Variants in RAP1B observed in about 807,000 individuals in gnomAD.
RAP1B encodes ras-related protein Rap-1b.
In RAP1B, 1 loss-of-function variant was observed where a neutral mutation model predicts 27.5. The observed-to-expected ratio is 0.04, with a 90% CI of 0.01 to 0.17. The LOEUF (loss-of-function observed/expected upper bound fraction) is 0.17. Among genes scored for constraint, RAP1B ranks in the 10% least tolerant of loss-of-function variants. The probability of loss-of-function intolerance (pLI) is 1.00; values close to 1 mark genes in which losing one functional copy is unlikely to be tolerated. For missense variants in RAP1B, 84 were observed against 214.8 expected (o/e 0.39, Z 3.81); for synonymous variants, 75 against 73.1 (o/e 1.03, Z -0.13).
chr12:68,613,071 C>G (rs1056684586), intron 1 of RAP1B, among the ~76,000 whole-genome samples: 3 of 152,166 alleles, frequency 2.0e-5, no homozygotes, highest in African/African-American at 7.2e-5. Flanking sequence ...AATGATTGCT[C>G]TGGCTGGGCG....
intron 6 of RAP1B, 144 bp downstream of exon 6, chr12:68,656,593 G>A (rs1874224224): frequency 1.4e-6 from 1 of 734,152 alleles, no homozygotes; most frequent in Non-Finnish European, 2.3e-6. Context: ...CATGTTAAAT[G>A]TATCTATGTA....
At chr12:68,628,400 C>T (rs972127317) in intron 1 of RAP1B, among the ~76,000 whole-genome samples, 1 of 152,192 alleles carries the variant, frequency 6.6e-6, no homozygotes, top group Admixed American at 6.5e-5. Context: ...GCTATGTTAG[C>T]TTCCAACTTC....
intron 1 of RAP1B, among the ~76,000 whole-genome samples, chr12:68,615,584 C>CA (rs570915847): frequency 0.012 from 1,561 of 132,354 alleles, 9 homozygotes; most frequent in African/African-American, 0.016. Context: ...GTGAGACTGT[C>CA]AAAAAAAAAA....
At position 68,669,804 on chromosome 12, in the gene RAP1B, AAAAG is replaced by A. The variant is rs1875005171; in HGVS notation, c.*10559_*10562del. 6.6e-6 allele frequency: 1 copy of A among 152,352 alleles called. No homozygotes were observed. The highest frequency in any genetic ancestry group is 2.4e-5 in the African/African-American group (1 of 41,456). The allele number at this position is 152,352 out of a possible 1,614,324, so 9.4% of individuals were successfully genotyped here. On this transcript the variant is annotated 3_prime_UTR_variant, in exon 8 of 8. Transcript: ENST00000250559. The stretch of plus-strand genomic sequence containing the variant: ...GACAGAGCAAATCTCTATCTCAAGA[AAAAG>A]AAAAAAGAAAAGAAATTAAGCAAAA...
intron 1 of RAP1B, among the ~76,000 whole-genome samples, chr12:68,632,104 A>C (rs1254402510): frequency 6.7e-6 from 1 of 149,790 alleles, no homozygotes; most frequent in African/African-American, 2.5e-5. Context: ...AACATGAAGG[A>C]AACAGTTTTT....
intron 5 of RAP1B, among the ~76,000 whole-genome samples, 153 bp downstream of exon 5, chr12:68,654,405 A>G (rs1874052034): frequency 6.6e-6 from 1 of 150,976 alleles, no homozygotes; most frequent in Non-Finnish European, 1.5e-5. Context: ...AAAAATACCC[A>G]TACATGTTTT....
intron 1 of RAP1B, among the ~76,000 whole-genome samples, chr12:68,646,226 C>G (rs1160198704): frequency 6.6e-6 from 1 of 151,502 alleles, no homozygotes; most frequent in Non-Finnish European, 1.5e-5. Flanking sequence ...TATGTTGTTT[C>G]GGTCAGTTGT....
At chr12:68,652,678 C>T (rs778895402) in intron 4 of RAP1B, among the ~76,000 whole-genome samples, 22 of 151,110 alleles carry the variant, frequency 1.5e-4, no homozygotes, top group Non-Finnish European at 2.7e-4. Flanking sequence ...ATTAGCCGGG[C>T]GTGGTGTTAC....
chr12:68,616,270 TTTG>T (rs1226730043), intron 1 of RAP1B, among the ~76,000 whole-genome samples: 10 of 149,750 alleles, frequency 6.7e-5, no homozygotes, highest in African/African-American at 1.5e-4. Context: ...CCTTTGTTTT[TTTG>T]TTGTTGTTGT....
At chr12:68,627,105 G>C in intron 1 of RAP1B, 1 of 1,590,826 alleles carries the variant, frequency 6.3e-7, no homozygotes, top group Non-Finnish European at 8.5e-7. Flanking sequence ...GGTGTGAATG[G>C]AGATGATAAC....
At chr12:68,612,006 CTCTT>C (rs1044523084) in intron 1 of RAP1B, among the ~76,000 whole-genome samples, 1 of 152,160 alleles carries the variant, frequency 6.6e-6, no homozygotes, top group Non-Finnish European at 1.5e-5. Context: ...CTCTCCCACT[CTCTT>C]TAATAGTTTA....
Position 68,654,237 on chromosome 12 carries a change from T to G in RAP1B, c.309T>G (p.Val103=), listed in dbSNP as rs749138689. 6.3e-7 allele frequency: 1 copy of G among 1,594,718 alleles called. No homozygotes were observed. Among genetic ancestry groups the G allele is most frequent in the Non-Finnish European group, 8.6e-7 (1 of 1,167,702 alleles). ...ACCTGAGAGAACAGATTCTTCGAGT[T>G]AAAGACACTGATGATGTAAGCTGAC... ...LQDLREQILR[V]KDTDDVPMIL... Residue 103 remains valine (V), a synonymous_variant, in exon 5 of 8, where the codon GTT becomes GTG. Coordinates refer to ENST00000250559, the MANE Select transcript of RAP1B (RefSeq NM_001010942.3).
chr12:68,627,264 A>G (rs1015198156), intron 1 of RAP1B: 7 of 962,848 alleles, frequency 7.3e-6, no homozygotes, highest in Admixed American at 1.8e-5. Context: ...AGAGCAACCC[A>G]TACAATACAA....
In RAP1B at chr12:68,659,541, A is replaced by T. The variant is rs981840694; in HGVS notation, c.*292A>T. On this transcript the variant is annotated 3_prime_UTR_variant, in exon 8 of 8. Transcript: ENST00000250559. ...GACATTCTTCATCCACCAATGTTGT[A>T]CATGTATGAAAATGGTGTACTGTAT... 3.2e-6 allele frequency: 1 copy of T among 308,454 alleles called. No individual in the cohort carries two copies. The highest frequency in any genetic ancestry group is 6.4e-6 in the Non-Finnish European group (1 of 156,150). 19.1% of individuals were successfully genotyped at this position (308,454 alleles called of 1,614,324 possible).
At chr12:68,611,251 C>G (rs1870552091) in intron 1 of RAP1B, among the ~76,000 whole-genome samples, 2 of 148,748 alleles carry the variant, frequency 1.3e-5, no homozygotes, top group African/African-American at 4.9e-5. Context: ...TGCGGGCCGG[C>G]GAGGAGGAGC....
At chr12:68,655,212 G>A (rs1050126373) in intron 5 of RAP1B, among the ~76,000 whole-genome samples, 1 of 152,122 alleles carries the variant, frequency 6.6e-6, no homozygotes, top group Non-Finnish European at 1.5e-5. Context: ...CAGCTATTTG[G>A]GAGGCTGAGG....
chr12:68,656,428 A>C lies in RAP1B; in HGVS notation c.447A>C (p.Lys149Asn). The C allele has an allele frequency of 6.2e-7, 1 of 1,610,958 alleles. No individual in the cohort carries two copies. The highest frequency in any genetic ancestry group is 8.5e-7 in the Non-Finnish European group (1 of 1,177,226). ...GTGCATTCTTAGAATCTTCTGCAAA[A>C]TCAAAAATAAATGTTAATGAGGTAT... ...NNCAFLESSA[K>N]SKINVNEIFY... is the part of the protein sequence containing the mutation. Residue 149 changes from lysine (K) to asparagine (N), a missense_variant, in exon 6 of 8, where the codon AAA becomes AAC. Transcript: ENST00000250559.
At position 68,662,621 on chromosome 12, in the gene RAP1B, C is replaced by G. The variant is rs1319506607; in HGVS notation, c.*3372C>G. Reference sequence around the variant, plus strand: ...TCATTGAATTTAATCTCCATCTATTCTATCTCTTCTTAAATCTTGGAAATG... The same window carrying G: ...TCATTGAATTTAATCTCCATCTATTGTATCTCTTCTTAAATCTTGGAAATG... On this transcript the variant is annotated 3_prime_UTR_variant, in exon 8 of 8. Coordinates refer to ENST00000250559, the MANE Select transcript of RAP1B (RefSeq NM_001010942.3). 6.6e-6 allele frequency: 1 copy of G among 151,854 alleles called. No individual in the cohort carries two copies. The highest frequency in any genetic ancestry group is 1.5e-5 in the Non-Finnish European group (1 of 67,988). 9.4% of individuals were successfully genotyped at this position (151,854 alleles called of 1,614,324 possible). A position where few individuals can be genotyped will look rare whatever the true frequency, so the allele number is the denominator to read the frequency against.
chr12:68,617,442 T>C (rs1440086970), intron 1 of RAP1B, among the ~76,000 whole-genome samples: 1 of 152,250 alleles, frequency 6.6e-6, no homozygotes, highest in Admixed American at 6.5e-5. Context: ...ATATGTTATC[T>C]GTTGTTTTCT....
Sources: gnomAD v4.1 joint callset for allele counts (sites outside exome capture counted in the v4.1 genomes callset) on GRCh38, gnomAD v4.1.1 for gene constraint, MANE v1.5 for transcripts, NCBI Gene and HGNC (gene_info 2026-07-23, HGNC 2026-07-21) for gene names.